RNF213: variants seen among roughly 807,000 people sequenced by gnomAD.
RNF213 encodes ring finger protein 213.
Under a neutral mutation model 514.4 loss-of-function variants are expected in RNF213, and 341 were observed. The observed-to-expected ratio is 0.66, with a 90% CI of 0.61 to 0.73. RNF213 has a LOEUF of 0.73. RNF213 is among the 30% of genes least tolerant of loss of function. RNF213 has a pLI of 0.00. For missense variants in RNF213, 5,767 were observed against 6,615.6 expected (o/e 0.87, Z 4.45); for synonymous variants, 2,655 against 2,658.2 (o/e 1.00, Z 0.04).
intron 3 of RNF213, among the ~76,000 whole-genome samples, chr17:80,274,888 TGTGTGTGTGTTGGGG>T (rs1646012345): frequency 1.4e-5 from 1 of 73,416 alleles, no homozygotes; most frequent in Non-Finnish European, 2.5e-5. Context: ...GTGAATGGGA[TGTGTGTGTGTTGGGG>T]GTGTGTGAGT....
intron 3 of RNF213, among the ~76,000 whole-genome samples, chr17:80,286,681 G>A (rs1273433635): frequency 6.6e-6 from 1 of 152,142 alleles, no homozygotes; most frequent in East Asian, 1.9e-4. Flanking sequence ...GTGGGTGCAG[G>A]AGGTGGGGGG....
At position 80,383,793 on chromosome 17, in the gene RNF213, G is replaced by C. The variant is rs61744736; in HGVS notation, c.14187G>C (p.Leu4729=). The change falls in exon 59 of 68, where the codon CTG becomes CTC. Residue 4729 remains leucine (L), a synonymous_variant. Transcript: ENST00000582970. ...YGDPVTFLPH[L]PRKSVVHCSK... is the part of the protein sequence containing the mutation. Reference sequence around the variant, plus strand: ...ACCCAGTGACCTTCCTGCCCCACCTGCCCCGGAAAAGTGTGGTCCATTGCT... The same window carrying C: ...ACCCAGTGACCTTCCTGCCCCACCTCCCCCGGAAAAGTGTGGTCCATTGCT... The C allele has an allele frequency of 3.4e-4, 543 of 1,614,110 alleles. 2 individuals carry two copies. The African/African-American group carries it at 6.5e-3, about 19-fold the overall frequency.
At chr17:80,340,609 G>GTT (rs747785477) in intron 26 of RNF213, 3,808 of 129,444 alleles carry the variant, frequency 0.029, 277 homozygotes, top group Admixed American at 0.043. Context: ...GTACTTTGTG[G>GTT]TTTTTTTTTT....
chr17:80,315,395 G>C (rs144566232), intron 15 of RNF213, among the ~76,000 whole-genome samples: 22 of 1,484 alleles, frequency 0.015, 8 homozygotes, highest in African/African-American at 0.034. Context: ...TGATGGTGGT[G>C]GTGGTGGTGG....
intron 57 of RNF213, 180 bp from the exon 58 acceptor site, chr17:80,382,798 CA>C: frequency 3.5e-6 from 2 of 577,818 alleles, no homozygotes; most frequent in East Asian, 3.2e-5. Flanking sequence ...ATGTTATCTT[CA>C]AAAGGTCATT....
At chr17:80,297,261 C>T (rs1165992911) in intron 10 of RNF213, among the ~76,000 whole-genome samples, 2 of 149,590 alleles carry the variant, frequency 1.3e-5, no homozygotes, top group African/African-American at 2.5e-5. Context: ...ACCAGCCTGA[C>T]CAACATGGTG....
At chr17:80,287,763 C>G in intron 3 of RNF213, 52 bp from the exon 4 acceptor site, 1 of 1,589,070 alleles carries the variant, frequency 6.3e-7, no homozygotes, top group Admixed American at 1.7e-5. Context: ...GAAACACGGG[C>G]TAGAGTAGAG....
At position 80,389,443 on chromosome 17, in the gene RNF213, T is replaced by C. The variant is rs78032871; in HGVS notation, c.15195+76T>C. 3.3e-3 allele frequency: 4,423 copies of C among 1,349,650 alleles called. 123 individuals are homozygous for C. The African/African-American group carries it at 0.055, about 17-fold the overall frequency. 83.6% of individuals were successfully genotyped at this position (1,349,650 alleles called of 1,614,324 possible). ...CTGCTTCCCGCGAGGGATAGGAGCA[T>C]TCAGGGAGTGCCACTCTAGGCGCTC... On this transcript the variant is annotated intron_variant, in intron 65 of 67. Coordinates refer to ENST00000582970, the MANE Select transcript of RNF213 (RefSeq NM_001256071.3).
At chr17:80,342,220 T>C (rs1599062946) in intron 26 of RNF213, among the ~76,000 whole-genome samples, 1 of 152,178 alleles carries the variant, frequency 6.6e-6, no homozygotes, top group Non-Finnish European at 1.5e-5. Flanking sequence ...AGCTCGGGTG[T>C]GTGGTCGGCT....
chr17:80,281,410 A>C, intron 3 of RNF213, among the ~76,000 whole-genome samples: 1 of 62,122 alleles, frequency 1.6e-5, no homozygotes, highest in African/African-American at 5.2e-5. Flanking sequence ...CACACCCCCA[A>C]GACAAACACC....
rs1226492292 is a variant in RNF213 at position 80,380,951 on chromosome 17, C to G, written c.13761C>G (p.His4587Gln). 6.2e-7 allele frequency: 1 copy of G among 1,614,126 alleles called. No individual in the cohort carries two copies. The change falls in exon 56 of 68, where the codon CAC (histidine) becomes CAG (glutamine). Residue 4587 changes from histidine (H) to glutamine (Q), a missense_variant. By Grantham distance (24) the His-to-Gln change is conservative. Coordinates refer to ENST00000582970, the MANE Select transcript of RNF213 (RefSeq NM_001256071.3). ...TCCTCCTTATCCGGCTACTCACTCACTTGGCTCTGCTTCTGGGAGCGTCCC... is the reference window on the plus strand; with the variant it reads ...TCCTCCTTATCCGGCTACTCACTCAGTTGGCTCTGCTTCTGGGAGCGTCCC... ...VVFLLIRLLT[H>Q]LALLLGASQS...
chr17:80,268,245 A>C (rs139610881), intron 2 of RNF213, among the ~76,000 whole-genome samples: 1 of 150,256 alleles, frequency 6.7e-6, no homozygotes, highest in Non-Finnish European at 1.5e-5. Flanking sequence ...TGCTACAGTG[A>C]GCATGGGTGT....
At chr17:80,359,610 G>GAGCGAGAGAA (rs2078976455) in intron 37 of RNF213, among the ~76,000 whole-genome samples, 2 of 62,216 alleles carry the variant, frequency 3.2e-5, no homozygotes, top group Non-Finnish European at 4.5e-5. Context: ...GAGAGAAAGA[G>GAGCGAGAGAA]AGAAAGAAAG....
chr17:80,339,728 G>GTGCCTTCC lies in RNF213; in HGVS notation c.5374_5381dup (p.Asp1795SerfsTer8), dbSNP rs1227989026. The GTGCCTTCC allele has an allele frequency of 4.6e-6, 7 of 1,537,034 alleles. No individual in the cohort carries two copies. In the African/African-American group the frequency reaches 5.5e-5, roughly 12 times the overall value. ...GGATCATCATGGAGCAGTCCATGAG[G>GTGCCTTCC]TGCCTTCCTGCCTTCCTGCCCGACT... On this transcript the variant is annotated frameshift_variant, in exon 26 of 68. Coordinates refer to ENST00000582970, the MANE Select transcript of RNF213 (RefSeq NM_001256071.3). LOFTEE classifies it high-confidence loss of function.
At chr17:80,378,776 G>T (rs79073011) in intron 54 of RNF213, among the ~76,000 whole-genome samples, 5,843 of 152,278 alleles carry the variant, frequency 0.038, 136 homozygotes, top group East Asian at 0.15. Context: ...TTCTGTAACT[G>T]GTTTGGTGTG....
chr17:80,290,539 G>A (rs757541681), intron 6 of RNF213, 31 bp from the exon 7 acceptor site: 2 of 1,612,736 alleles, frequency 1.2e-6, no homozygotes, highest in South Asian at 1.1e-5. Flanking sequence ...GATCTCACGG[G>A]AATCAGATTT....
chr17:80,288,053 C>T lies in RNF213; in HGVS notation c.500C>T (p.Thr167Ile), dbSNP rs1437375413. 1.2e-6 allele frequency: 2 copies of T among 1,606,808 alleles called. No individual in the cohort carries two copies. Among genetic ancestry groups the T allele is most frequent in the Non-Finnish European group, 1.7e-6 (2 of 1,176,398 alleles). The stretch of plus-strand genomic sequence containing the variant: ...GAGGGTGACGGCCTCTCCGCGCCCA[C>T]CGAGGTTGGCGACAGCCCCCTGCAG... Reference protein sequence around the residue: ...PLEGDGLSAPTEVGDSPLQAQ... With the variant: ...PLEGDGLSAPIEVGDSPLQAQ... The change falls in exon 4 of 68, where the codon ACC becomes ATC. Residue 167 changes from threonine (T) to isoleucine (I), a missense_variant. Physicochemically the swap from Thr to Ile is moderately conservative, Grantham distance 89. This residue lies in a region of RNF213 where 509 missense variants were observed against 496.7 expected (regional missense o/e 1.02). Coordinates refer to ENST00000582970, the MANE Select transcript of RNF213 (RefSeq NM_001256071.3). This position sits in a 1 kb window ranked among gnomAD's most constrained non-coding sequence, Gnocchi z 4.9.
At chr17:80,271,179 C>G (rs142165281) in intron 2 of RNF213, among the ~76,000 whole-genome samples, 46 of 152,254 alleles carry the variant, frequency 3.0e-4, no homozygotes, top group African/African-American at 1.1e-3. Context: ...AACAGCAGCT[C>G]TCGAAGGATG....
chr17:80,313,956 G>A lies in RNF213; in HGVS notation c.2811+789G>A, dbSNP rs1216520233. Among the ~76,000 whole-genome samples the A allele has an allele frequency of 4.6e-3, 18 of 3,922 alleles. 1 individual carries two copies. Among genetic ancestry groups the A allele is most frequent in the Admixed American group, 5.6e-3 (2 of 356 alleles). The allele number at this position is 3,922 out of a possible 152,430, so 2.6% of individuals were successfully genotyped here. On this transcript the variant is annotated intron_variant, in intron 15 of 67. Transcript: ENST00000582970. ...GGTAATGGAGGTGATGGTGGTGGTG[G>A]AGGTGATGGTGGAGGTACTGGAGGT... is the stretch of plus-strand genomic sequence containing the variant.
Sources: allele counts gnomAD v4.1 joint callset (sites outside exome capture counted in the v4.1 genomes callset), GRCh38; gene constraint gnomAD v4.1.1; regional missense constraint gnomAD v4.1.1; non-coding constraint Gnocchi (gnomAD v3.1); transcripts MANE v1.5; gene names NCBI Gene and HGNC (gene_info 2026-07-23, HGNC 2026-07-21).